LRRN1: variants seen among roughly 807,000 people sequenced by gnomAD.
LRRN1 encodes the protein leucine-rich repeat neuronal protein 1.
In LRRN1, 14 loss-of-function variants were observed where a neutral mutation model predicts 45.8. That is an observed-to-expected ratio of 0.31 (90% confidence interval 0.20 to 0.48). The LOEUF (loss-of-function observed/expected upper bound fraction) is 0.48. Ranked by LOEUF, LRRN1 falls within the 20% of genes least tolerant of loss-of-function variation. LRRN1 has a pLI of 0.99. For missense variants in LRRN1, 789 were observed against 874.2 expected, an observed-to-expected ratio of 0.90 and a Z score of 1.23; for synonymous variants, 359 against 330.1, an observed-to-expected ratio of 1.09 and a Z score of -0.95.
At position 3,835,777 on chromosome 3, in the gene LRRN1, C is replaced by T. The variant is rs190350284; in HGVS notation, c.-278-8587C>T. ...ATGCTATGGGGAAAGTGAGAGTCTC[C>T]GCCAAGTGCAGTGATGGTGATGATC... On this transcript the variant is annotated intron_variant, in intron 1 of 1. Coordinates refer to ENST00000319331, the MANE Select transcript of LRRN1 (RefSeq NM_020873.7). Among the ~76,000 whole-genome samples, 864 of 151,980 alleles carry T rather than the reference C, an allele frequency of 5.7e-3. 17 individuals are homozygous for T. The highest frequency in any genetic ancestry group is 3.1e-3 in the Non-Finnish European group (211 of 67,990).
chr3:3,820,052 TTTG>T (rs71040092), intron 1 of LRRN1, among the ~76,000 whole-genome samples: 2,348 of 151,812 alleles, frequency 0.015, 54 homozygotes, highest in African/African-American at 0.054. Flanking sequence ...CCCATTCTCT[TTTG>T]TTGTTGTTGT....
At chr3:3,843,735 T>C (rs976120135) in intron 1 of LRRN1, among the ~76,000 whole-genome samples, 1 of 152,230 alleles carries the variant, frequency 6.6e-6, no homozygotes, top group African/African-American at 2.4e-5. Context: ...TTGTAGGATA[T>C]TAAATTAACT....
At chr3:3,823,307 G>A (rs1343901504) in intron 1 of LRRN1, among the ~76,000 whole-genome samples, 1 of 152,014 alleles carries the variant, frequency 6.6e-6, no homozygotes, top group South Asian at 2.1e-4. Flanking sequence ...CTTTCTAGAT[G>A]TGTACCTTGA....
At chr3:3,823,553 G>A (rs1247455013) in intron 1 of LRRN1, among the ~76,000 whole-genome samples, 1 of 152,088 alleles carries the variant, frequency 6.6e-6, no homozygotes, top group Admixed American at 6.6e-5. Flanking sequence ...TTAAGTTGAC[G>A]CCAAAGGAAA....
In LRRN1 at chr3:3,847,922, T is replaced by C. The variant is rs1271940913; in HGVS notation, c.*1130T>C. On this transcript the variant is annotated 3_prime_UTR_variant, in exon 2 of 2. Transcript: ENST00000319331. ...CCATGCATAAATAAAGGTAAATATA[T>C]ATATACACCAATATATTCATATATA... is the stretch of plus-strand genomic sequence containing the variant. Among the ~76,000 whole-genome samples the C allele has an allele frequency of 2.6e-5, 4 of 152,070 alleles. No homozygotes were observed. The highest frequency in any genetic ancestry group is 2.6e-4 in the Admixed American group (4 of 15,276).
chr3:3,838,936 A>G (rs1485970663), intron 1 of LRRN1, among the ~76,000 whole-genome samples: 1 of 152,060 alleles, frequency 6.6e-6, no homozygotes, highest in Non-Finnish European at 1.5e-5. Context: ...ATTTAAAAAT[A>G]TTGTCTCCCA....
In LRRN1 at chr3:3,844,894, G is replaced by C; in HGVS notation, c.253G>C (p.Ala85Pro). 1.2e-6 allele frequency: 2 copies of C among 1,614,066 alleles called. No individual in the cohort carries two copies. Among genetic ancestry groups the C allele is most frequent in the Non-Finnish European group, 1.7e-6 (2 of 1,180,010 alleles). ...QVLLLQSNNI[A>P]KTVDELQQLF... Reference sequence around the variant, plus strand: ...GCTTCTCTTACAGAGCAATAACATCGCAAAGACTGTGGATGAGCTGCAGCA... The same window carrying C: ...GCTTCTCTTACAGAGCAATAACATCCCAAAGACTGTGGATGAGCTGCAGCA... The change falls in exon 2 of 2, where the codon GCA becomes CCA. Residue 85 changes from alanine (A) to proline (P), a missense_variant. Ala to Pro is a conservative substitution (Grantham distance 27). Transcript: ENST00000319331.
At chr3:3,842,615 T>C (rs1385715830) in intron 1 of LRRN1, among the ~76,000 whole-genome samples, 1 of 152,166 alleles carries the variant, frequency 6.6e-6, no homozygotes, top group African/African-American at 2.4e-5. Flanking sequence ...AATTCAGAGC[T>C]TGCTATGTAT....
rs778580714 is a variant in LRRN1, at chr3:3,846,500, C to T, written c.1859C>T (p.Ala620Val). 1 of 1,614,168 alleles carries T rather than the reference C, an allele frequency of 6.2e-7. No homozygotes were observed. The highest frequency in any genetic ancestry group is 8.5e-7 in the Non-Finnish European group (1 of 1,180,020). ...VNVTTKNAAF[A>V]VDISDQETST... ...GTCACAACCAAAAATGCCGCCTTCG[C>T]AGTGGACATCTCTGATCAAGAAACC... Residue 620 changes from alanine to valine, a missense_variant, in exon 2 of 2, where the codon GCA becomes GTA. Physicochemically the swap from Ala to Val is moderately conservative, Grantham distance 64. Coordinates refer to ENST00000319331, the MANE Select transcript of LRRN1 (RefSeq NM_020873.7). The surrounding 1 kb of genome is among the most constrained non-coding windows in gnomAD (Gnocchi z 5.7).
At chr3:3,804,256 A>G (rs1199153455) in intron 1 of LRRN1, 1 of 152,190 alleles carries the variant, frequency 6.6e-6, no homozygotes, top group African/African-American at 2.4e-5. Flanking sequence ...CAATTTTGTC[A>G]TGTATAACAT....
intron 1 of LRRN1, among the ~76,000 whole-genome samples, chr3:3,838,659 T>G (rs1899831): frequency 0.55 from 83,930 of 152,022 alleles, 24,935 homozygotes; most frequent in Non-Finnish European, 0.68. Flanking sequence ...GAACAAGGGT[T>G]ACAATTTCTC....
rs1168952514 is a variant in LRRN1 at position 3,847,973 on chromosome 3, C to T, written c.*1181C>T. Among the ~76,000 whole-genome samples the T allele has an allele frequency of 2.6e-5, 4 of 152,104 alleles. No individual in the cohort carries two copies. The highest frequency in any genetic ancestry group is 9.7e-5 in the African/African-American group (4 of 41,420). The stretch of plus-strand genomic sequence containing the variant: ...CTCACACACATCCCAACCTGTCACA[C>T]ACAATGCGTGTGTATATATATATGA... On this transcript the variant is annotated 3_prime_UTR_variant, in exon 2 of 2. Coordinates refer to ENST00000319331, the MANE Select transcript of LRRN1 (RefSeq NM_020873.7).
rs1693746674 is a variant in LRRN1, at chr3:3,845,454, C to T, written c.813C>T (p.Asn271=). 6.2e-7 allele frequency: 1 copy of T among 1,613,974 alleles called. No homozygotes were observed. Among genetic ancestry groups the T allele is most frequent in the African/African-American group, 1.3e-5 (1 of 74,878 alleles). The change falls in exon 2 of 2, where the codon AAC becomes AAT. Residue 271 remains asparagine, a synonymous_variant. Coordinates refer to ENST00000319331, the MANE Select transcript of LRRN1 (RefSeq NM_020873.7). This position sits in a 1 kb window ranked among gnomAD's most constrained non-coding sequence, Gnocchi z 6.5. ...KVPNLKFLDL[N]KNPIHKIQEG... The stretch of plus-strand genomic sequence containing the variant: ...CAAATTTGAAATTCTTAGACCTCAA[C>T]AAAAACCCCATTCACAAAATCCAAG...
chr3:3,805,022 A>G (rs1692725479), intron 1 of LRRN1, among the ~76,000 whole-genome samples: 1 of 152,218 alleles, frequency 6.6e-6, no homozygotes, highest in South Asian at 2.1e-4. Flanking sequence ...TAACCTCTTC[A>G]GGAGAGTGTC....
At chr3:3,812,902 A>G (rs1023652371) in intron 1 of LRRN1, among the ~76,000 whole-genome samples, 9 of 151,528 alleles carry the variant, frequency 5.9e-5, no homozygotes, top group Non-Finnish European at 1.2e-4. Context: ...CGTGGCACAT[A>G]GTGTCTAGTA....
chr3:3,817,473 G>A (rs1241264204), intron 1 of LRRN1, among the ~76,000 whole-genome samples: 3 of 152,214 alleles, frequency 2.0e-5, no homozygotes, highest in South Asian at 2.1e-4. Context: ...CTTGACTAGC[G>A]GGAACTTCTA....
At chr3:3,833,479 T>C (rs1365883769) in intron 1 of LRRN1, among the ~76,000 whole-genome samples, 1 of 152,222 alleles carries the variant, frequency 6.6e-6, no homozygotes, top group Non-Finnish European at 1.5e-5. Flanking sequence ...ATACCCTTAA[T>C]ATCCATTCCC....
chr3:3,825,481 CGAT>C (rs1693197021), intron 1 of LRRN1, among the ~76,000 whole-genome samples: 1 of 151,920 alleles, frequency 6.6e-6, no homozygotes, highest in Non-Finnish European at 1.5e-5. Flanking sequence ...ATTTTTGTCT[CGAT>C]GAATTAATAG....
intron 1 of LRRN1, among the ~76,000 whole-genome samples, chr3:3,800,329 G>C (rs1341726714): frequency 6.6e-6 from 1 of 152,108 alleles, no homozygotes; most frequent in Non-Finnish European, 1.5e-5. Flanking sequence ...GCTGGGGCTG[G>C]AGAGCAGCGC....
Sources: gnomAD v4.1 joint callset for allele counts (sites outside exome capture counted in the v4.1 genomes callset) on GRCh38, gnomAD v4.1.1 for gene constraint, Gnocchi (gnomAD v3.1) non-coding constraint, MANE v1.5 for transcripts, NCBI Gene and HGNC (gene_info 2026-07-23, HGNC 2026-07-21) for gene names.